Variants in EYS observed in about 807,000 individuals in gnomAD.
EYS encodes EGF-like photoreceptor maintenance factor.
EYS carries 250 observed loss-of-function variants against 282.1 expected under a neutral mutation model. The ratio of observed to expected loss-of-function variants is 0.89; its 90% confidence interval spans 0.80 to 0.98. The LOEUF (loss-of-function observed/expected upper bound fraction) is 0.98. EYS is among the 50% of genes least tolerant of loss of function. The pLI is 0.00. For synonymous variants in EYS, 1,355 were observed against 1,282.9 expected (o/e 1.06, Z -1.20); for missense variants, 4,016 against 3,709.0 (o/e 1.08, Z -2.15).
chr6:65,142,008 C>T (rs536581021), intron 12 of EYS, among the ~76,000 whole-genome samples: 5 of 151,918 alleles, frequency 3.3e-5, no homozygotes, highest in Non-Finnish European at 4.4e-5. Flanking sequence ...ATATGCAGAG[C>T]AAACATGTGT....
chr6:65,657,716 T>C (rs1192066963), intron 1 of EYS, among the ~76,000 whole-genome samples: 5 of 151,832 alleles, frequency 3.3e-5, no homozygotes, highest in African/African-American at 9.7e-5. Context: ...TTACATAAAG[T>C]TAGTTGAGAA....
Position 63,937,356 on chromosome 6 carries a change from T to C in EYS, c.7055+47027A>G, listed in dbSNP as rs1307504031. Among the ~76,000 whole-genome samples, 25 of 37,396 alleles carry C rather than the reference T, an allele frequency of 6.7e-4. 1 individual carries two copies. Among genetic ancestry groups the C allele is most frequent in the African/African-American group, 2.6e-3 (21 of 7,948 alleles). The allele number at this position is 37,396 out of a possible 152,430, so 24.5% of individuals were successfully genotyped here. A position where few individuals can be genotyped will look rare whatever the true frequency, so the allele number is the denominator to read the frequency against. On this transcript the variant is annotated intron_variant, in intron 35 of 42. Transcript: ENST00000503581. ...GGCTTCTCTCTTTTCTTTTTTTTTT[T>C]TTTTTTTTTTTTTTTTTTTTTTTTT...
At chr6:65,051,817 T>C (rs529026564) in intron 13 of EYS, among the ~76,000 whole-genome samples, 1 of 151,644 alleles carries the variant, frequency 6.6e-6, no homozygotes, top group Admixed American at 6.6e-5. Flanking sequence ...GAATCATACC[T>C]TTCTGTAGGT....
chr6:64,302,313 T>A (rs905273177), intron 30 of EYS, among the ~76,000 whole-genome samples: 2 of 152,150 alleles, frequency 1.3e-5, no homozygotes, highest in Admixed American at 6.5e-5. Context: ...CACAGGCACA[T>A]CCCCTCTTTC....
chr6:64,511,131 A>G (rs1777380176), intron 26 of EYS, among the ~76,000 whole-genome samples: 1 of 150,880 alleles, frequency 6.6e-6, no homozygotes, highest in African/African-American at 2.5e-5. Context: ...CACTAAAATC[A>G]ATGATAATTG....
At chr6:65,199,766 G>A (rs1002222387) in intron 12 of EYS, among the ~76,000 whole-genome samples, 1 of 152,002 alleles carries the variant, frequency 6.6e-6, no homozygotes, top group Non-Finnish European at 1.5e-5. Context: ...AGAAACAAGA[G>A]CATAAGCAAA....
chr6:65,439,800 T>G (rs1190158636), intron 5 of EYS, among the ~76,000 whole-genome samples: 1 of 152,116 alleles, frequency 6.6e-6, no homozygotes, highest in African/African-American at 2.4e-5. Flanking sequence ...TTCTCATTCC[T>G]GTATTTCAAT....
rs564436906 is a variant in EYS at position 65,688,831 on chromosome 6, C to G, written c.-448+18304G>C. 8.8e-3 allele frequency among the ~76,000 whole-genome samples: 1,340 copies of G among 152,010 alleles called. 20 individuals carry two copies. Among genetic ancestry groups the G allele is most frequent in the African/African-American group, 0.03 (1,255 of 41,496 alleles). ...AATCAAAACCACAATGAGATACCAT[C>G]TCACACCAGTTAGAATGGCGATCAT... is the stretch of plus-strand genomic sequence containing the variant. On this transcript the variant is annotated intron_variant, in intron 1 of 42. Transcript: ENST00000503581.
chr6:65,381,809 C>T (rs756073145), intron 8 of EYS, among the ~76,000 whole-genome samples: 2 of 151,664 alleles, frequency 1.3e-5, no homozygotes, highest in South Asian at 2.1e-4. Context: ...AACAAATACA[C>T]CCCACCATGA....
intron 16 of EYS, among the ~76,000 whole-genome samples, chr6:64,906,197 A>G (rs1265011527): frequency 2.0e-5 from 3 of 151,614 alleles, no homozygotes; most frequent in Non-Finnish European, 2.9e-5. Flanking sequence ...AACTTTAAAA[A>G]CTATGAAATA....
intron 29 of EYS, among the ~76,000 whole-genome samples, chr6:64,386,093 G>A (rs951890706): frequency 2.6e-5 from 4 of 152,090 alleles, no homozygotes; most frequent in African/African-American, 9.7e-5. Context: ...TTTGTGAACC[G>A]AAGGCCCGTA....
At chr6:64,811,405 T>C (rs1495535) in intron 22 of EYS, among the ~76,000 whole-genome samples, 100,558 of 151,224 alleles carry the variant, frequency 0.66, 33,962 homozygotes, top group Admixed American at 0.77. Flanking sequence ...GCCTGAATTC[T>C]ACTGGCTTCA....
chr6:64,078,373 A>G (rs1186017260), intron 32 of EYS, among the ~76,000 whole-genome samples: 1 of 152,066 alleles, frequency 6.6e-6, no homozygotes, highest in Non-Finnish European at 1.5e-5. Context: ...AGTAAATGCA[A>G]TTATCCCCTA....
chr6:63,862,161 C>A (rs1772551342), intron 36 of EYS, among the ~76,000 whole-genome samples: 1 of 152,152 alleles, frequency 6.6e-6, no homozygotes. Flanking sequence ...TGTTAAAATG[C>A]CCTCCATCCC....
chr6:65,112,568 A>G (rs1279822655), intron 12 of EYS, among the ~76,000 whole-genome samples: 1 of 152,222 alleles, frequency 6.6e-6, no homozygotes, highest in Non-Finnish European at 1.5e-5. Flanking sequence ...GATTCAATAA[A>G]TAGCTTACAT....
At chr6:63,965,160 CCTTT>C (rs894018288) in intron 35 of EYS, among the ~76,000 whole-genome samples, 65 of 152,188 alleles carry the variant, frequency 4.3e-4, no homozygotes, top group Admixed American at 4.1e-3. Flanking sequence ...CTCAAAAGGG[CCTTT>C]CTATTTTTGT....
At chr6:64,319,237 A>G (rs1770105397) in intron 29 of EYS, among the ~76,000 whole-genome samples, 2 of 152,052 alleles carry the variant, frequency 1.3e-5, no homozygotes, top group Admixed American at 1.3e-4. Context: ...GGTATTACAA[A>G]AACAACTTCA....
chr6:65,197,982 A>G (rs1329953635), intron 12 of EYS, among the ~76,000 whole-genome samples: 4 of 152,076 alleles, frequency 2.6e-5, no homozygotes, highest in African/African-American at 9.7e-5. Context: ...TACTTTATAA[A>G]CTTTTATATA....
chr6:64,477,959 C>T lies in EYS; in HGVS notation c.5645-38607G>A, dbSNP rs146381980. The stretch of plus-strand genomic sequence containing the variant: ...TCAGTTTTGTTATCTGTAAAATAGA[C>T]CTCTGATTTTTATTCCTGTCATTAC... On this transcript the variant is annotated intron_variant, in intron 26 of 42. Transcript: ENST00000503581. Among the ~76,000 whole-genome samples the T allele has an allele frequency of 1.4e-3, 218 of 152,088 alleles. 2 individuals carry two copies. The highest frequency in any genetic ancestry group is 2.3e-3 in the Non-Finnish European group (159 of 67,934).
Sources: allele counts gnomAD v4.1 joint callset (sites outside exome capture counted in the v4.1 genomes callset), GRCh38; gene constraint gnomAD v4.1.1; transcripts MANE v1.5; gene names NCBI Gene and HGNC (gene_info 2026-07-23, HGNC 2026-07-21).